Variants in ARHGAP27 observed in about 807,000 individuals in gnomAD.
ARHGAP27 encodes Rho GTPase activating protein 27.
A neutral mutation model predicts 102.0 loss-of-function variants in ARHGAP27; 53 were observed. The ratio of observed to expected loss-of-function variants is 0.52; its 90% CI spans 0.42 to 0.65. ARHGAP27 has a LOEUF of 0.65. Among genes scored for constraint, ARHGAP27 ranks in the 30% least tolerant of loss-of-function variants. The pLI is 0.00. For missense variants in ARHGAP27, 1,117 were observed against 1,256.2 expected (o/e 0.89, Z 1.68); for synonymous variants, 525 against 542.8 (o/e 0.97, Z 0.46).
Position 45,430,087 on chromosome 17 carries a change from G to A in ARHGAP27, c.193C>T (p.Arg65Cys). The A allele has an allele frequency of 6.8e-7, 1 of 1,469,150 alleles. No individual in the cohort carries two copies. Among genetic ancestry groups the A allele is most frequent in the Non-Finnish European group, 8.9e-7 (1 of 1,120,616 alleles). The allele number at this position is 1,469,150 out of a possible 1,614,324, so 91.0% of individuals were successfully genotyped here. A position where few individuals can be genotyped will look rare whatever the true frequency, so the allele number is the denominator to read the frequency against. The change falls in exon 4 of 20, where the codon CGC becomes TGC. Residue 65 changes from arginine (R) to cysteine (C), a missense_variant. Coordinates refer to ENST00000685559, the MANE Select transcript of ARHGAP27 (RefSeq NM_001282290.2). This position sits in a 1 kb window ranked among gnomAD's most constrained non-coding sequence, Gnocchi z 4.4. The stretch of plus-strand genomic sequence containing the variant: ...GGGTTGCCCAGCGCGGGCAGCTCGC[G>A]CACGTACTGCGCAGGCAGGTAGAAG... ...RPFYLPAQYV[R>C]ELPALGNPAA...
intron 4 of ARHGAP27, chr17:45,429,273 T>C (rs2049865395): frequency 4.5e-6 from 3 of 660,784 alleles, no homozygotes; most frequent in Admixed American, 8.2e-5. Flanking sequence ...CAGCCGACCA[T>C]CGAGCTCATT....
intron 4 of ARHGAP27, chr17:45,425,558 A>C: frequency 3.0e-6 from 3 of 985,494 alleles, no homozygotes; most frequent in Non-Finnish European, 3.6e-6. Context: ...AGGGGCGAGG[A>C]CTCACTCAGT....
intron 12 of ARHGAP27, among the ~76,000 whole-genome samples, chr17:45,401,947 CGT>C (rs1389921861): frequency 6.6e-6 from 1 of 152,194 alleles, no homozygotes; most frequent in Non-Finnish European, 1.5e-5. Flanking sequence ...CAGTTCACCA[CGT>C]GTGTTTCTGT....
At chr17:45,409,555 G>A (rs550686089) in intron 4 of ARHGAP27, 1 of 152,426 alleles carries the variant, frequency 6.6e-6, no homozygotes, top group South Asian at 2.1e-4. Flanking sequence ...GGAGGTGACT[G>A]AGCAGAGTCT....
At chr17:45,418,768 G>A (rs2048732302) in intron 4 of ARHGAP27, among the ~76,000 whole-genome samples, 1 of 152,200 alleles carries the variant, frequency 6.6e-6, no homozygotes, top group South Asian at 2.1e-4. Flanking sequence ...CTTGGGGCAG[G>A]CTGGCCCATC....
chr17:45,402,652 G>T, intron 12 of ARHGAP27, 62 bp downstream of exon 12: 3 of 1,447,082 alleles, frequency 2.1e-6, no homozygotes, highest in South Asian at 1.2e-5. Context: ...GTCAATAGTT[G>T]TCAGAGAGCT....
chr17:45,425,043 G>C (rs1221723923), intron 4 of ARHGAP27, among the ~76,000 whole-genome samples: 1 of 151,522 alleles, frequency 6.6e-6, no homozygotes, highest in African/African-American at 2.4e-5. Context: ...AGATCTCTGG[G>C]TGGACAGCAA....
At chr17:45,411,063 G>A (rs774984484) in intron 4 of ARHGAP27, among the ~76,000 whole-genome samples, 21 of 152,064 alleles carry the variant, frequency 1.4e-4, no homozygotes, top group Admixed American at 8.5e-4. Flanking sequence ...GTCCACATAC[G>A]TGTACAAGTA....
At chr17:45,422,003 T>C (rs139434415) in intron 4 of ARHGAP27, among the ~76,000 whole-genome samples, 4,984 of 152,118 alleles carry the variant, frequency 0.033, 118 homozygotes, top group South Asian at 0.081. Flanking sequence ...CTATCTCTAC[T>C]AAAAATACAA....
intron 4 of ARHGAP27, among the ~76,000 whole-genome samples, chr17:45,424,441 C>T (rs550112821): frequency 3.1e-4 from 47 of 152,318 alleles, no homozygotes; most frequent in African/African-American, 1.1e-3. Flanking sequence ...TCGACCACAT[C>T]CCTGATCATC....
chr17:45,402,005 T>C (rs1201145171), intron 12 of ARHGAP27, among the ~76,000 whole-genome samples: 1 of 151,966 alleles, frequency 6.6e-6, no homozygotes, highest in East Asian at 1.9e-4. Flanking sequence ...AGGGTAAGAG[T>C]AGTTTAAAAA....
intron 12 of ARHGAP27, among the ~76,000 whole-genome samples, chr17:45,401,212 G>A (rs1013936420): frequency 1.3e-5 from 2 of 152,132 alleles, no homozygotes; most frequent in African/African-American, 4.8e-5. Context: ...GATGGAACGC[G>A]CCTGTAGTCC....
chr17:45,418,042 A>G (rs1431068638), intron 4 of ARHGAP27, among the ~76,000 whole-genome samples: 1 of 150,996 alleles, frequency 6.6e-6, no homozygotes, highest in Non-Finnish European at 1.5e-5. Context: ...GTCTCAAAAA[A>G]AAAAAAAAAA....
chr17:45,421,468 T>G (rs1045295351), intron 4 of ARHGAP27, among the ~76,000 whole-genome samples: 1 of 151,858 alleles, frequency 6.6e-6, no homozygotes, highest in African/African-American at 2.4e-5. Flanking sequence ...GGTGGCACAG[T>G]AGACCCTGTC....
chr17:45,428,086 C>T (rs2049783422), intron 4 of ARHGAP27, among the ~76,000 whole-genome samples: 1 of 152,224 alleles, frequency 6.6e-6, no homozygotes, highest in Non-Finnish European at 1.5e-5. Context: ...TGAGCCAGAC[C>T]CTGGGCCAGA....
intron 10 of ARHGAP27, 36 bp downstream of exon 10, chr17:45,403,993 C>T (rs1252469892): frequency 1.2e-6 from 2 of 1,610,790 alleles, no homozygotes; most frequent in African/African-American, 1.3e-5. Flanking sequence ...CACCAAGGCC[C>T]ACCCTGCCCC....
At chr17:45,411,563 A>G (rs1236469095) in intron 4 of ARHGAP27, among the ~76,000 whole-genome samples, 2 of 152,044 alleles carry the variant, frequency 1.3e-5, no homozygotes, top group African/African-American at 4.8e-5. Flanking sequence ...ACACTTGTAG[A>G]GATCACACTA....
chr17:45,424,392 A>T (rs2049339674), intron 4 of ARHGAP27, among the ~76,000 whole-genome samples: 1 of 152,194 alleles, frequency 6.6e-6, no homozygotes, highest in Non-Finnish European at 1.5e-5. Flanking sequence ...CCCGGCACAG[A>T]TCCAGCTCCC....
At chr17:45,421,094 C>G (rs1302766004) in intron 4 of ARHGAP27, among the ~76,000 whole-genome samples, 1 of 139,736 alleles carries the variant, frequency 7.2e-6, no homozygotes, top group African/African-American at 2.7e-5. Context: ...AAAAGTACAA[C>G]AAGAATGAAA....
Sources: gnomAD v4.1 joint callset for allele counts (sites outside exome capture counted in the v4.1 genomes callset) on GRCh38, gnomAD v4.1.1 for gene constraint, Gnocchi (gnomAD v3.1) non-coding constraint, MANE v1.5 for transcripts, NCBI Gene and HGNC (gene_info 2026-07-23, HGNC 2026-07-21) for gene names.